Variants in MX2 observed in about 807,000 individuals in gnomAD.
MX2 encodes MX dynamin like GTPase 2.
Under a neutral mutation model 74.0 loss-of-function variants are expected in MX2, and 51 were observed. That is an observed-to-expected ratio of 0.69 (90% CI 0.55 to 0.87). The LOEUF (loss-of-function observed/expected upper bound fraction) is 0.87, where lower values mean the gene tolerates loss of function less well. MX2 is among the 40% of genes least tolerant of loss of function. The pLI, the probability that MX2 is intolerant of heterozygous loss-of-function variation, is 0.00. For synonymous variants in MX2, 369 were observed against 339.3 expected (o/e 1.09, Z -0.96); for missense variants, 832 against 908.7 (o/e 0.92, Z 1.09).
chr21:41,406,687 T>G, intron 12 of MX2, 57 bp from the exon 13 acceptor site: 3 of 1,555,678 alleles, frequency 1.9e-6, no homozygotes, highest in Non-Finnish European at 2.6e-6. Context: ...CAAATTTGTT[T>G]AAGCCAACAG....
rs2089915609 is a variant in MX2, at chr21:41,408,490, C to T, written c.*257C>T. The stretch of plus-strand genomic sequence containing the variant: ...GTCCCGTAGCACACAGTTACAGTGT[C>T]CTAAGATACTGCTATCATTCTTCGC... On this transcript the variant is annotated 3_prime_UTR_variant, in exon 14 of 14. Transcript: ENST00000330714. 1 of 478,258 alleles carries T rather than the reference C, an allele frequency of 2.1e-6. No homozygotes were observed. Among genetic ancestry groups the T allele is most frequent in the South Asian group, 3.5e-5 (1 of 28,232 alleles). 29.6% of individuals were successfully genotyped at this position (478,258 alleles called of 1,614,324 possible). A position where few individuals can be genotyped will look rare whatever the true frequency, so the allele number is the denominator to read the frequency against.
rs1271188828 is a variant in MX2, at chr21:41,377,110, G to A, written c.204G>A (p.Leu68=). The change falls in exon 2 of 14, where the codon TTG becomes TTA. Residue 68 remains leucine, a synonymous_variant. Transcript: ENST00000330714. ...CCAAGGACTTCAACTTTCTCACTTT[G>A]AACAATCAGCCACCACCAGGAAACA... is the stretch of plus-strand genomic sequence containing the variant. ...FLAKDFNFLT[L]NNQPPPGNRS... The A allele has an allele frequency of 6.2e-7, 1 of 1,614,042 alleles. No individual in the cohort carries two copies. The highest frequency in any genetic ancestry group is 8.5e-7 in the Non-Finnish European group (1 of 1,180,038).
chr21:41,376,798 G>T (rs766435030), intron 1 of MX2, 38 bp from the exon 2 acceptor site: 12 of 1,515,094 alleles, frequency 7.9e-6, no homozygotes, highest in Non-Finnish European at 1.1e-5. Context: ...AGGACTTCTG[G>T]TGACCTGTGG....
rs551251334 is a variant in MX2, at chr21:41,405,126, C to T, written c.1651-1618C>T. On this transcript the variant is annotated intron_variant, in intron 12 of 13. Coordinates refer to ENST00000330714, the MANE Select transcript of MX2 (RefSeq NM_002463.2). ...GAGTTCGAGACCAGCCTGGCCAACC[C>T]GGTGAAACCCTTGTCTCTACTAAAA... Among the ~76,000 whole-genome samples, 484 of 151,918 alleles carry T rather than the reference C, an allele frequency of 3.2e-3. 4 individuals carry two copies. Among genetic ancestry groups the T allele is most frequent in the Non-Finnish European group, 5.3e-3 (363 of 67,930 alleles).
intron 7 of MX2, 109 bp downstream of exon 7, chr21:41,395,894 T>A: frequency 9.3e-7 from 1 of 1,075,946 alleles, no homozygotes; most frequent in Non-Finnish European, 1.4e-6. Flanking sequence ...CACAAGGTAG[T>A]ATAACCTAGC....
At chr21:41,401,913 T>G (rs1400888515) in intron 10 of MX2, 57 bp from the exon 11 acceptor site, 1 of 1,569,090 alleles carries the variant, frequency 6.4e-7, no homozygotes, top group Non-Finnish European at 8.7e-7. Flanking sequence ...TGTTGCTAGC[T>G]TTACGACGTC....
At chr21:41,364,314 C>T (rs759528642) in intron 1 of MX2, 4 of 152,282 alleles carry the variant, frequency 2.6e-5, no homozygotes, top group Admixed American at 1.3e-4. Context: ...TGTAGGGAAA[C>T]TCCCTCCCCT....
intron 5 of MX2, among the ~76,000 whole-genome samples, chr21:41,385,987 G>C (rs900534279): frequency 1.3e-5 from 2 of 151,780 alleles, no homozygotes; most frequent in Non-Finnish European, 2.9e-5. Flanking sequence ...ACAAACCTTT[G>C]ATTTGTTAAA....
chr21:41,403,695 A>C (rs1487252145), intron 12 of MX2: 1 of 506,764 alleles, frequency 2.0e-6, no homozygotes, highest in Non-Finnish European at 4.0e-6. Context: ...CTACTCCCAA[A>C]TTTGTATGTT....
In MX2 at chr21:41,368,565, A is replaced by C. The variant is rs536491048; in HGVS notation, c.-72+6510A>C. On this transcript the variant is annotated intron_variant, in intron 1 of 13. Transcript: ENST00000330714. The surrounding 1 kb of genome is among the most constrained non-coding windows in gnomAD (Gnocchi z 4.6). ...TTTCACCCCTTTATTTTGCAGAGCA[A>C]TCTGTGCCCAGCTCCTGTCCTCTCA... Among the ~76,000 whole-genome samples, 5 of 152,256 alleles carry C rather than the reference A, an allele frequency of 3.3e-5. No homozygotes were observed. In the East Asian group the frequency reaches 9.7e-4, roughly 29 times the overall value.
chr21:41,367,599 G>GA (rs2089278929), intron 1 of MX2, among the ~76,000 whole-genome samples: 2 of 151,794 alleles, frequency 1.3e-5, no homozygotes, highest in Non-Finnish European at 2.9e-5. Flanking sequence ...GATCCTCTAA[G>GA]AAAAAAGGAT....
Position 41,377,145 on chromosome 21 carries a change from C to T in MX2, c.239C>T (p.Pro80Leu). The change falls in exon 2 of 14, where the codon CCA (proline) becomes CTA (leucine). Residue 80 changes from proline to leucine, a missense_variant. Physicochemically the swap from Pro to Leu is moderately conservative, Grantham distance 98. Transcript: ENST00000330714. ...CCACCACCAGGAAACAGGAGCCAAC[C>T]AAGGGCAATGGTAAGCCCGGTGGAG... ...NQPPPGNRSQ[P>L]RAMGPENNLY... 6.2e-7 allele frequency: 1 copy of T among 1,614,162 alleles called. No homozygotes were observed. Among genetic ancestry groups the T allele is most frequent in the Non-Finnish European group, 8.5e-7 (1 of 1,180,022 alleles).
intron 1 of MX2, among the ~76,000 whole-genome samples, chr21:41,362,375 G>C (rs561001335): frequency 3.9e-5 from 6 of 152,036 alleles, no homozygotes; most frequent in African/African-American, 1.4e-4. Context: ...TTTGCTCAGC[G>C]TCCTACAAAG....
rs1210525100 is a variant in MX2 at position 41,382,910 on chromosome 21, G to A, written c.732+346G>A. Among the ~76,000 whole-genome samples, 3 of 152,188 alleles carry A rather than the reference G, an allele frequency of 2.0e-5. No individual in the cohort carries two copies. The East Asian group carries it at 5.8e-4, about 29-fold the overall frequency. On this transcript the variant is annotated intron_variant, in intron 5 of 13. Transcript: ENST00000330714. ...TTTTACATGAAATCTGTCCATTTTG[G>A]CAATATTTTAAAAAATGAATGTTAC...
intron 12 of MX2, among the ~76,000 whole-genome samples, chr21:41,405,491 G>A (rs2089873336): frequency 6.6e-6 from 1 of 151,994 alleles, no homozygotes; most frequent in Non-Finnish European, 1.5e-5. Context: ...TCCTCACACG[G>A]TGGAAAGAGC....
At position 41,380,982 on chromosome 21, in the gene MX2, T is replaced by G. The variant is rs546618257; in HGVS notation, c.577+831T>G. 6.6e-6 allele frequency among the ~76,000 whole-genome samples: 1 copy of G among 152,290 alleles called. No individual in the cohort carries two copies. The highest frequency in any genetic ancestry group is 2.4e-5 in the African/African-American group (1 of 41,562). ...GAGGAACTAAGTCCAAGGAAGGCCT[T>G]TTGCATTACTGGATAGCAAACTCAG... On this transcript the variant is annotated intron_variant, in intron 4 of 13. Transcript: ENST00000330714. The surrounding 1 kb of genome is among the most constrained non-coding windows in gnomAD (Gnocchi z 4.3).
intron 6 of MX2, among the ~76,000 whole-genome samples, chr21:41,391,882 A>G (rs2089665393): frequency 2.0e-5 from 3 of 151,594 alleles, no homozygotes; most frequent in South Asian, 2.1e-4. Context: ...GGTTTGTTAC[A>G]TAGGTAAACT....
rs1163075021 is a variant in MX2, at chr21:41,398,922, A to G, written c.1175A>G (p.Gln392Arg). The change falls in exon 9 of 14, where the codon CAA becomes CGA. Residue 392 changes from glutamine (Q) to arginine (R), a missense_variant. Transcript: ENST00000330714. ...AAATCGCTCCCGTTGTTAGAAGGAC[A>G]AATAAGGGAGAGCCACCAGAAGGCG... ...IQKSLPLLEG[Q>R]IRESHQKATE... is the part of the protein sequence containing the mutation. The G allele has an allele frequency of 6.2e-7, 1 of 1,613,710 alleles. No individual in the cohort carries two copies. The highest frequency in any genetic ancestry group is 1.3e-5 in the African/African-American group (1 of 74,934).
At chr21:41,362,161 G>A (rs1182145264) in intron 1 of MX2, 106 bp downstream of exon 1, 5 of 152,258 alleles carry the variant, frequency 3.3e-5, no homozygotes, top group Non-Finnish European at 7.3e-5. Context: ...TGGTGAATGT[G>A]GCTTGTGCTG....
Sources: gnomAD v4.1 joint callset for allele counts (sites outside exome capture counted in the v4.1 genomes callset) on GRCh38, gnomAD v4.1.1 for gene constraint, Gnocchi (gnomAD v3.1) non-coding constraint, MANE v1.5 for transcripts, NCBI Gene and HGNC (gene_info 2026-07-23, HGNC 2026-07-21) for gene names.